IL15: variants seen among roughly 807,000 people sequenced by gnomAD.
IL15 encodes the protein interleukin 15, also known as interleukin-15.
In IL15, 11 loss-of-function variants were observed where a neutral mutation model predicts 19.6. The ratio of observed to expected loss-of-function variants is 0.56; its 90% confidence interval spans 0.35 to 0.93. The LOEUF (loss-of-function observed/expected upper bound fraction) is 0.93, where lower values mean the gene tolerates loss of function less well. Ranked by LOEUF, IL15 falls within the 40% of genes least tolerant of loss-of-function variation. The probability of loss-of-function intolerance (pLI) is 0.01; values close to 1 mark genes in which losing one functional copy is unlikely to be tolerated. For synonymous variants in IL15, 58 were observed against 59.6 expected, an observed-to-expected ratio of 0.97 and a Z score of 0.12; for missense variants, 197 against 186.5, an observed-to-expected ratio of 1.06 and a Z score of -0.33.
chr4:141,691,575 G>A (rs555547303), intron 2 of IL15, among the ~76,000 whole-genome samples: 6 of 152,298 alleles, frequency 3.9e-5, no homozygotes, highest in South Asian at 2.1e-4. Context: ...CATTCCAAAT[G>A]GGAGAATTTG....
At chr4:141,696,192 G>A (rs1320986239) in intron 2 of IL15, among the ~76,000 whole-genome samples, 2 of 152,070 alleles carry the variant, frequency 1.3e-5, no homozygotes, top group African/African-American at 4.8e-5. Context: ...TTGAAAGACT[G>A]TCTTTTACCC....
intron 2 of IL15, among the ~76,000 whole-genome samples, chr4:141,681,805 A>G (rs111316905): frequency 6.9e-6 from 1 of 145,664 alleles, no homozygotes; most frequent in Admixed American, 6.7e-5. Context: ...GCTTAAGTCA[A>G]GTCGTTAATT....
At chr4:141,653,978 T>A (rs1727500327) in intron 1 of IL15, among the ~76,000 whole-genome samples, 1 of 152,246 alleles carries the variant, frequency 6.6e-6, no homozygotes, top group Non-Finnish European at 1.5e-5. Context: ...AATAATCTGC[T>A]TCGATGTAAT....
intron 1 of IL15, among the ~76,000 whole-genome samples, chr4:141,640,752 T>C (rs1315016630): frequency 6.6e-6 from 1 of 152,236 alleles, no homozygotes; most frequent in Non-Finnish European, 1.5e-5. Flanking sequence ...AGACTCTATG[T>C]AGACCGTATA....
At chr4:141,687,736 A>G (rs1232715177) in intron 2 of IL15, among the ~76,000 whole-genome samples, 1 of 152,130 alleles carries the variant, frequency 6.6e-6, no homozygotes, top group Non-Finnish European at 1.5e-5. Context: ...TTTTTGCAAT[A>G]ATTGTGTTTC....
rs1035634618 is a variant in IL15 at position 141,721,655 on chromosome 4, A to G, written c.111-269A>G. The G allele has an allele frequency of 3.4e-5, 18 of 522,092 alleles. No individual in the cohort carries two copies. The Admixed American group carries it at 4.8e-4, about 14-fold the overall frequency. 32.3% of individuals were successfully genotyped at this position (522,092 alleles called of 1,614,324 possible). ...CACTGCTTCTATTTCATTGTGATAA[A>G]TTGAGCCAGTTTATTTATAAAGTAT... On this transcript the variant is annotated intron_variant, in intron 4 of 7. Coordinates refer to ENST00000320650, the MANE Select transcript of IL15 (RefSeq NM_000585.5).
chr4:141,713,896 A>G (rs1015515045), intron 2 of IL15, among the ~76,000 whole-genome samples: 1 of 152,048 alleles, frequency 6.6e-6, no homozygotes, highest in African/African-American at 2.4e-5. Context: ...ACATGTTTAA[A>G]TCCAGTTCTG....
At chr4:141,644,297 AAAC>A (rs1332167206) in intron 1 of IL15, among the ~76,000 whole-genome samples, 2 of 152,120 alleles carry the variant, frequency 1.3e-5, no homozygotes, top group East Asian at 3.9e-4. Flanking sequence ...GAACAAAACA[AAAC>A]AACACCCCCA....
At chr4:141,720,839 C>T in intron 4 of IL15, 2 of 543,862 alleles carry the variant, frequency 3.7e-6, no homozygotes. Flanking sequence ...AAGTATACCA[C>T]TTATTGATAG....
chr4:141,666,081 A>ATTATGTATTTATTTAT (rs1553987607), intron 2 of IL15, among the ~76,000 whole-genome samples: 22 of 143,358 alleles, frequency 1.5e-4, no homozygotes, highest in Admixed American at 3.5e-4. Flanking sequence ...CTTTTTATTT[A>ATTATGTATTTATTTAT]TTATTTATTT....
chr4:141,645,258 C>G (rs1327267637), intron 1 of IL15, among the ~76,000 whole-genome samples: 1 of 152,006 alleles, frequency 6.6e-6, no homozygotes, highest in Non-Finnish European at 1.5e-5. Context: ...CCATAGAAAC[C>G]CTTACCATTT....
chr4:141,685,931 A>G (rs918613351), intron 2 of IL15, among the ~76,000 whole-genome samples: 1 of 151,920 alleles, frequency 6.6e-6, no homozygotes, highest in Non-Finnish European at 1.5e-5. Context: ...AGTCTTTATG[A>G]TTTGTAGGGG....
chr4:141,657,420 A>G (rs1727645078), intron 2 of IL15, among the ~76,000 whole-genome samples: 1 of 151,942 alleles, frequency 6.6e-6, no homozygotes, highest in Admixed American at 6.5e-5. Flanking sequence ...TTAATAATAA[A>G]TTAACTTTAG....
intron 2 of IL15, among the ~76,000 whole-genome samples, chr4:141,710,276 G>A (rs1393757538): frequency 6.6e-6 from 1 of 152,140 alleles, no homozygotes; most frequent in East Asian, 1.9e-4. Flanking sequence ...TAGGTCTTAG[G>A]GGTGGGAGGT....
intron 2 of IL15, among the ~76,000 whole-genome samples, chr4:141,699,627 G>T (rs1420970627): frequency 1.3e-5 from 2 of 152,000 alleles, no homozygotes; most frequent in East Asian, 1.9e-4. Flanking sequence ...AGTCTGTTTT[G>T]TCTGATGTAA....
At chr4:141,726,205 C>A (rs1340248332) in intron 5 of IL15, among the ~76,000 whole-genome samples, 4 of 151,364 alleles carry the variant, frequency 2.6e-5, no homozygotes, top group Non-Finnish European at 5.9e-5. Flanking sequence ...GAAGTTTAGC[C>A]AAATTATGAA....
intron 1 of IL15, among the ~76,000 whole-genome samples, chr4:141,645,249 C>T (rs953321916): frequency 1.1e-4 from 17 of 152,064 alleles, no homozygotes; most frequent in Admixed American, 3.9e-4. Context: ...GTCAAGGTGC[C>T]ATAGAAACCC....
intron 5 of IL15, 22 bp downstream of exon 5, chr4:141,722,030 A>G: frequency 6.4e-7 from 1 of 1,558,392 alleles, no homozygotes; most frequent in Non-Finnish European, 8.8e-7. Context: ...TTTTTCCATA[A>G]AATGCCTGGT....
At chr4:141,669,803 A>G (rs1728109180) in intron 2 of IL15, among the ~76,000 whole-genome samples, 1 of 150,724 alleles carries the variant, frequency 6.6e-6, no homozygotes, top group South Asian at 2.1e-4. Context: ...TATTCTTTTA[A>G]TATATATTTA....
Sources: allele counts gnomAD v4.1 joint callset (sites outside exome capture counted in the v4.1 genomes callset), GRCh38; gene constraint gnomAD v4.1.1; transcripts MANE v1.5; gene names NCBI Gene and HGNC (gene_info 2026-07-23, HGNC 2026-07-21).